KRT74: variants seen among roughly 807,000 people sequenced by gnomAD.
The protein encoded by KRT74 is keratin 74, also known as keratin, type II cytoskeletal 74.
KRT74 carries 43 observed loss-of-function variants against 42.7 expected under a neutral mutation model. The ratio of observed to expected loss-of-function variants is 1.01; its 90% CI spans 0.79 to 1.30. The LOEUF (loss-of-function observed/expected upper bound fraction) is 1.30. Ranked by LOEUF, KRT74 falls within the 50% of genes most tolerant of loss-of-function variation. The pLI, the probability that KRT74 is intolerant of heterozygous loss-of-function variation, is 0.00. For missense variants in KRT74, 736 were observed against 689.1 expected, an observed-to-expected ratio of 1.07 and a Z score of -0.76; for synonymous variants, 302 against 279.0, an observed-to-expected ratio of 1.08 and a Z score of -0.82.
At chr12:52,571,141 G>A (rs1178751757) in intron 4 of KRT74, among the ~76,000 whole-genome samples, 1 of 152,232 alleles carries the variant, frequency 6.6e-6, no homozygotes, top group African/African-American at 2.4e-5. Context: ...TTTCCTGCCC[G>A]TGGGCAAGTC....
intron 7 of KRT74, among the ~76,000 whole-genome samples, chr12:52,567,911 T>C (rs1375204327): frequency 6.6e-6 from 1 of 151,246 alleles, no homozygotes; most frequent in Non-Finnish European, 1.5e-5. Context: ...ATAAAGCCAA[T>C]AATTAGCCCC....
chr12:52,568,198 G>A lies in KRT74; in HGVS notation c.1326C>T (p.Tyr442=). The A allele has an allele frequency of 6.2e-7, 1 of 1,614,156 alleles. No individual in the cohort carries two copies. Among genetic ancestry groups the A allele is most frequent in the Non-Finnish European group, 8.5e-7 (1 of 1,180,028 alleles). ...ACTCCTCGCCCTCCAGCAGCTTGCG[G>A]TAGGTGGCAATCTCCATGTCCAGGG... ...KLALDMEIAT[Y]RKLLEGEECR... is the part of the protein sequence containing the mutation. Residue 442 remains tyrosine, a synonymous_variant, in exon 7 of 9, where the codon TAC becomes TAT. Coordinates refer to ENST00000305620, the MANE Select transcript of KRT74 (RefSeq NM_175053.4).
intron 4 of KRT74, 141 bp downstream of exon 4, chr12:52,571,218 C>A: frequency 1.4e-6 from 1 of 692,956 alleles, no homozygotes; most frequent in Admixed American, 2.1e-5. Flanking sequence ...CCTGCACTTC[C>A]ATGGTCTCCT....
rs754263672 is a variant in KRT74 at position 52,569,852 on chromosome 12, T to C, written c.1134+7A>G. On this transcript the variant is annotated splice_region_variant and intron_variant, in intron 6 of 8. Transcript: ENST00000305620. The stretch of plus-strand genomic sequence containing the variant: ...GACCGGGAGTTCTTTGTGGGGCTGC[T>C]GCCCACCTGCTTCTTCACATTCCCG... The C allele has an allele frequency of 6.2e-7, 1 of 1,614,172 alleles. No homozygotes were observed. Among genetic ancestry groups the C allele is most frequent in the East Asian group, 2.2e-5 (1 of 44,868 alleles).
chr12:52,569,681 C>A, intron 6 of KRT74, 178 bp downstream of exon 6: 2 of 746,776 alleles, frequency 2.7e-6, no homozygotes, highest in East Asian at 2.5e-5. Flanking sequence ...CAGTTCTGGG[C>A]GGGGTACCAG....
chr12:52,572,426 T>A, intron 2 of KRT74, 27 bp downstream of exon 2: 7 of 1,612,610 alleles, frequency 4.3e-6, no homozygotes, highest in Non-Finnish European at 5.9e-6. Flanking sequence ...AAACATGGTC[T>A]GTGACCCTCG....
rs1418240622 is a variant in KRT74, at chr12:52,573,642, C to A, written c.136G>T (p.Gly46Cys). 1 of 1,614,168 alleles carries A rather than the reference C, an allele frequency of 6.2e-7. No homozygotes were observed. Among genetic ancestry groups the A allele is most frequent in the Non-Finnish European group, 8.5e-7 (1 of 1,180,032 alleles). The change falls in exon 1 of 9, where the codon GGC becomes TGC. Residue 46 changes from glycine (G) to cysteine (C), a missense_variant. Transcript: ENST00000305620. ...AAGRGAGAGF[G>C]SRSLYSLGGN... ...CCAAGGCTATAGAGGCTCCGACTGCCAAAGCCAGCGCCAGCCCCTCTGCCA... is the reference window on the plus strand; with the variant it reads ...CCAAGGCTATAGAGGCTCCGACTGCAAAAGCCAGCGCCAGCCCCTCTGCCA...
At chr12:52,572,119 G>A in intron 2 of KRT74, 115 bp from the exon 3 acceptor site, 1 of 832,462 alleles carries the variant, frequency 1.2e-6, no homozygotes, top group South Asian at 1.3e-5. Flanking sequence ...GGGGTGAGCA[G>A]TAAGAGGCTA....
In KRT74 at chr12:52,567,138, T is replaced by G. The variant is rs1448560531; in HGVS notation, c.1421A>C (p.His474Pro). The G allele has an allele frequency of 6.2e-7, 1 of 1,604,098 alleles. No individual in the cohort carries two copies. The highest frequency in any genetic ancestry group is 2.2e-5 in the East Asian group (1 of 44,602). ...GTCAACACCCGCAGAGCTGGGGTGG[T>G]GGTAGCTGTAGCTGCTACTGCTGAT... ...SVISSSSYSY[H>P]HPSSAGVDLG... The change falls in exon 9 of 9, where the codon CAC becomes CCC. Residue 474 changes from histidine (H) to proline (P), a missense_variant. Physicochemically the swap from His to Pro is moderately conservative, Grantham distance 77. Coordinates refer to ENST00000305620, the MANE Select transcript of KRT74 (RefSeq NM_175053.4).
intron 7 of KRT74, 70 bp from the exon 8 acceptor site, chr12:52,567,763 T>C (rs1939404604): frequency 8.9e-7 from 1 of 1,117,600 alleles, no homozygotes; most frequent in Non-Finnish European, 1.4e-6. Context: ...AATGGGCTCC[T>C]GCTTTTATAC....
At chr12:52,570,900 T>C in intron 4 of KRT74, 67 bp from the exon 5 acceptor site, 1 of 1,582,708 alleles carries the variant, frequency 6.3e-7, no homozygotes, top group Non-Finnish European at 8.7e-7. Flanking sequence ...ATCAGTCTTC[T>C]GGGCCCATGG....
intron 6 of KRT74, among the ~76,000 whole-genome samples, 170 bp downstream of exon 6, chr12:52,569,689 C>G (rs1341626129): frequency 6.6e-6 from 1 of 152,222 alleles, no homozygotes; most frequent in East Asian, 1.9e-4. Context: ...GGCGGGGTAC[C>G]AGCTCTGATG....
At chr12:52,570,533 T>C in intron 5 of KRT74, 136 bp downstream of exon 5, 1 of 928,454 alleles carries the variant, frequency 1.1e-6, no homozygotes, top group Non-Finnish European at 1.7e-6. Context: ...TAAGAATTCC[T>C]TTTTTCCTTG....
chr12:52,566,865 A>G lies in KRT74; in HGVS notation c.*104T>C. On this transcript the variant is annotated 3_prime_UTR_variant, in exon 9 of 9. Transcript: ENST00000305620. ...ATGCAGACAGTTGAGTGTACTACAG[A>G]CAGTTTTAAAACTCAGGGCCTGGGA... 2 of 892,324 alleles carry G rather than the reference A, an allele frequency of 2.2e-6. No homozygotes were observed. Among genetic ancestry groups the G allele is most frequent in the Non-Finnish European group, 3.5e-6 (2 of 572,094 alleles). 55.3% of individuals were successfully genotyped at this position (892,324 alleles called of 1,614,324 possible).
At chr12:52,568,117 A>T (rs1939410473) in intron 7 of KRT74, 52 bp downstream of exon 7, 1 of 1,599,948 alleles carries the variant, frequency 6.3e-7, no homozygotes, top group Non-Finnish European at 8.6e-7. Context: ...CCTCAGCCAG[A>T]CAGGAGCCAC....
chr12:52,572,588 T>C lies in KRT74; in HGVS notation c.551A>G (p.Lys184Arg). Residue 184 changes from lysine to arginine, a missense_variant, in exon 2 of 9, where the codon AAG becomes AGG. Lys to Arg is a conservative substitution (Grantham distance 26, BLOSUM62 2). Coordinates refer to ENST00000305620, the MANE Select transcript of KRT74 (RefSeq NM_175053.4). ...LLQQLDLNNC[K>R]KNLEPILEGY... ...CTCAAGGATGGGCTCCAGGTTCTTC[T>C]TGCAGTTGTTCAGGTCCAGCTGCTG... 6.2e-7 allele frequency: 1 copy of C among 1,614,190 alleles called. No homozygotes were observed.
At position 52,569,863 on chromosome 12, in the gene KRT74, T is replaced by G. The variant is rs757946704; in HGVS notation, c.1130A>C (p.Lys377Thr). 6.2e-6 allele frequency: 10 copies of G among 1,614,184 alleles called. No homozygotes were observed. The highest frequency in any genetic ancestry group is 7.6e-6 in the Non-Finnish European group (9 of 1,180,018). ...CTTTGTGGGGCTGCTGCCCACCTGC[T>G]TCTTCACATTCCCGATCTCACACCG... ...RIRCEIGNVKKQRASLETAIA... is the reference protein window; with the variant it reads ...RIRCEIGNVKTQRASLETAIA... The change falls in exon 6 of 9, where the codon AAG becomes ACG. Residue 377 changes from lysine to threonine, a missense_variant. By Grantham distance (78) the Lys-to-Thr change is moderately conservative (BLOSUM62 -1). Transcript: ENST00000305620.
rs1445049729 is a variant in KRT74 at position 52,571,545 on chromosome 12, A to G, written c.748-91T>C. ...CTGCCTCAAAGCCACCTGATTTTCT[A>G]TTTTCTACCCACAAAGGAAAGCTCA... On this transcript the variant is annotated intron_variant, in intron 3 of 8. Coordinates refer to ENST00000305620, the MANE Select transcript of KRT74 (RefSeq NM_175053.4). 2.3e-5 allele frequency: 21 copies of G among 902,534 alleles called. No homozygotes were observed. In the East Asian group the frequency reaches 4.8e-4, roughly 21 times the overall value. 55.9% of individuals were successfully genotyped at this position (902,534 alleles called of 1,614,324 possible).
chr12:52,569,398 A>G (rs910312672), intron 6 of KRT74: 2 of 493,776 alleles, frequency 4.1e-6, no homozygotes, highest in Non-Finnish European at 7.1e-6. Context: ...GGTGTGGCCA[A>G]CAGAGGCGCC....
Sources: allele counts gnomAD v4.1 joint callset (sites outside exome capture counted in the v4.1 genomes callset), GRCh38; gene constraint gnomAD v4.1.1; transcripts MANE v1.5; gene names NCBI Gene and HGNC (gene_info 2026-07-23, HGNC 2026-07-21).